AGBL4: variants seen among roughly 807,000 people sequenced by gnomAD.
The protein encoded by AGBL4 is cytosolic carboxypeptidase 6.
A neutral mutation model predicts 66.4 loss-of-function variants in AGBL4; 58 were observed. The ratio of observed to expected loss-of-function variants is 0.87; its 90% CI spans 0.71 to 1.09. The LOEUF is 1.09. Ranked by LOEUF, AGBL4 falls within the 50% of genes least tolerant of loss-of-function variation. The pLI is 0.00. For missense variants in AGBL4, 579 were observed against 631.0 expected, an observed-to-expected ratio of 0.92 and a Z score of 0.88; for synonymous variants, 234 against 222.9, an observed-to-expected ratio of 1.05 and a Z score of -0.44.
chr1:48,608,619 G>A (rs1413352674), intron 9 of AGBL4, among the ~76,000 whole-genome samples: 1 of 152,136 alleles, frequency 6.6e-6, no homozygotes, highest in Non-Finnish European at 1.5e-5. Context: ...GGACAAGACA[G>A]GCAACTGGAC....
chr1:49,984,058 C>T (rs1008409186), intron 1 of AGBL4, among the ~76,000 whole-genome samples: 18 of 152,172 alleles, frequency 1.2e-4, no homozygotes, highest in Non-Finnish European at 2.1e-4. Flanking sequence ...AAATTATATA[C>T]GGGACCTAAG....
intron 5 of AGBL4, among the ~76,000 whole-genome samples, chr1:48,886,427 A>G (rs907643306): frequency 2.6e-5 from 4 of 152,228 alleles, no homozygotes; most frequent in Non-Finnish European, 4.4e-5. Flanking sequence ...ACTGTAAAAC[A>G]TGTATTTCTT....
At chr1:48,844,391 A>G (rs1404299711) in intron 6 of AGBL4, among the ~76,000 whole-genome samples, 1 of 152,162 alleles carries the variant, frequency 6.6e-6, no homozygotes, top group Non-Finnish European at 1.5e-5. Context: ...ATGCTTTCCC[A>G]TCTGACTACA....
intron 6 of AGBL4, among the ~76,000 whole-genome samples, chr1:48,734,211 G>T (rs1368494867): frequency 6.6e-6 from 1 of 152,192 alleles, no homozygotes; most frequent in Non-Finnish European, 1.5e-5. Flanking sequence ...CCAGGCAAGG[G>T]AGGCAGCTAT....
intron 5 of AGBL4, among the ~76,000 whole-genome samples, chr1:49,044,006 A>T (rs552557977): frequency 2.0e-5 from 3 of 152,340 alleles, no homozygotes; most frequent in Non-Finnish European, 4.4e-5. Flanking sequence ...ATCCTCATTT[A>T]GAATGTTTAG....
At chr1:49,677,634 T>C (rs1214848868) in intron 3 of AGBL4, among the ~76,000 whole-genome samples, 1 of 152,158 alleles carries the variant, frequency 6.6e-6, no homozygotes, top group African/African-American at 2.4e-5. Context: ...TTTTGTTCTC[T>C]ATTTTCTGGA....
intron 3 of AGBL4, among the ~76,000 whole-genome samples, chr1:49,358,967 A>G (rs1644077787): frequency 6.6e-6 from 1 of 152,218 alleles, no homozygotes; most frequent in African/African-American, 2.4e-5. Context: ...GTCTGTCTTC[A>G]TCTCAAGAGG....
At chr1:49,311,484 G>C (rs1225848251) in intron 3 of AGBL4, among the ~76,000 whole-genome samples, 1 of 151,862 alleles carries the variant, frequency 6.6e-6, no homozygotes, top group Admixed American at 6.6e-5. Flanking sequence ...TCTATACCCA[G>C]CTCCAAAACA....
chr1:49,129,923 G>C (rs928229833), intron 4 of AGBL4, among the ~76,000 whole-genome samples: 64 of 152,064 alleles, frequency 4.2e-4, no homozygotes, highest in Non-Finnish European at 2.1e-4. Context: ...AGTTTACCGT[G>C]CCACCAACAG....
At chr1:49,184,666 T>A (rs527778339) in intron 4 of AGBL4, among the ~76,000 whole-genome samples, 71 of 152,296 alleles carry the variant, frequency 4.7e-4, no homozygotes, top group African/African-American at 1.2e-3. Context: ...TGACCTTATA[T>A]GATAGATTTC....
intron 1 of AGBL4, among the ~76,000 whole-genome samples, chr1:49,930,358 G>A (rs1571892786): frequency 1.3e-5 from 2 of 151,924 alleles, no homozygotes; most frequent in African/African-American, 2.4e-5. Context: ...TTCCCTTTTA[G>A]TTGTTGAACT....
chr1:49,761,762 T>C (rs1652335628), intron 2 of AGBL4, among the ~76,000 whole-genome samples: 1 of 152,208 alleles, frequency 6.6e-6, no homozygotes, highest in Admixed American at 6.5e-5. Flanking sequence ...CTGTTAACCA[T>C]CATCACCTTA....
intron 3 of AGBL4, among the ~76,000 whole-genome samples, chr1:49,572,943 C>T (rs1232131437): frequency 6.6e-6 from 1 of 152,078 alleles, no homozygotes; most frequent in Non-Finnish European, 1.5e-5. Flanking sequence ...AGATTCTGGC[C>T]TAGCCTCCCA....
chr1:49,073,948 C>A (rs970337207), intron 4 of AGBL4, among the ~76,000 whole-genome samples: 1 of 152,162 alleles, frequency 6.6e-6, no homozygotes. Flanking sequence ...AGATGCCCAG[C>A]CCACGAGGTG....
At chr1:48,675,779 C>CT (rs909821682) in intron 6 of AGBL4, among the ~76,000 whole-genome samples, 2 of 152,164 alleles carry the variant, frequency 1.3e-5, no homozygotes, top group African/African-American at 4.8e-5. Context: ...AACCAAGACT[C>CT]TAAGACAAAA....
chr1:49,743,216 A>G (rs1650685309), intron 2 of AGBL4, among the ~76,000 whole-genome samples: 1 of 152,210 alleles, frequency 6.6e-6, no homozygotes, highest in Non-Finnish European at 1.5e-5. Flanking sequence ...GAAAAAAACA[A>G]ACAACCCCAA....
chr1:49,891,671 T>G (rs1253840933), intron 1 of AGBL4, among the ~76,000 whole-genome samples: 2 of 152,160 alleles, frequency 1.3e-5, no homozygotes, highest in African/African-American at 4.8e-5. Flanking sequence ...TCTAGGCTAA[T>G]GAACTTGCAA....
chr1:49,257,258 TG>T (rs1652596610), intron 3 of AGBL4, among the ~76,000 whole-genome samples: 1 of 152,242 alleles, frequency 6.6e-6, no homozygotes, highest in Non-Finnish European at 1.5e-5. Context: ...TGTTTGTCTG[TG>T]GCCTGCCCCC....
In AGBL4 at chr1:49,184,097, A is replaced by AG. The variant is rs535679438; in HGVS notation, c.377+61672_377+61673insC. Among the ~76,000 whole-genome samples, 1,202 of 152,282 alleles carry AG rather than the reference A, an allele frequency of 7.9e-3. 14 individuals carry two copies. The highest frequency in any genetic ancestry group is 0.041 in the Middle Eastern group (12 of 294). ...TAAAGATAAATAAAAGAAGAAAAAA[A>AG]CTAACATTTACAAGGTGCCAGATGT... On this transcript the variant is annotated intron_variant, in intron 4 of 13. Coordinates refer to ENST00000371839, the MANE Select transcript of AGBL4 (RefSeq NM_032785.4).
Sources: allele counts gnomAD v4.1 joint callset (sites outside exome capture counted in the v4.1 genomes callset), GRCh38; gene constraint gnomAD v4.1.1; transcripts MANE v1.5; gene names NCBI Gene and HGNC (gene_info 2026-07-23, HGNC 2026-07-21).